INVS: variants seen among roughly 807,000 people sequenced by gnomAD.
The protein encoded by INVS is inversin, also known as inversion of embryo turning homolog.
A neutral mutation model predicts 108.8 loss-of-function variants in INVS; 86 were observed. That is an observed-to-expected ratio of 0.79 (90% CI 0.66 to 0.95). INVS has a LOEUF of 0.95. Among genes scored for constraint, INVS ranks in the 40% least tolerant of loss-of-function variants. The pLI is 0.00. For synonymous variants in INVS, 455 were observed against 473.5 expected (o/e 0.96, Z 0.51); for missense variants, 1,169 against 1,297.4 (o/e 0.90, Z 1.52).
chr9:100,287,656 C>T (rs536682795), intron 13 of INVS, among the ~76,000 whole-genome samples: 1 of 152,316 alleles, frequency 6.6e-6, no homozygotes, highest in South Asian at 2.1e-4. Context: ...CTCTCTCCTG[C>T]TACCATGTGA....
chr9:100,145,741 G>A (rs146118921), intron 3 of INVS, among the ~76,000 whole-genome samples: 113 of 152,226 alleles, frequency 7.4e-4, no homozygotes, highest in Middle Eastern at 3.4e-3. Flanking sequence ...TCAGGCAGTC[G>A]TCCCCACGTG....
intron 7 of INVS, among the ~76,000 whole-genome samples, chr9:100,246,309 C>T (rs1394190903): frequency 2.0e-5 from 3 of 152,148 alleles, no homozygotes; most frequent in Non-Finnish European, 1.5e-5. Context: ...CTCACTCAAA[C>T]GATGACCTAT....
intron 2 of INVS, among the ~76,000 whole-genome samples, chr9:100,119,053 A>G (rs1827643038): frequency 6.6e-6 from 1 of 152,226 alleles, no homozygotes; most frequent in Non-Finnish European, 1.5e-5. Context: ...GTCTATTTAC[A>G]TACTCTCAAA....
intron 10 of INVS, among the ~76,000 whole-genome samples, chr9:100,264,307 A>G (rs1360253900): frequency 6.6e-6 from 1 of 152,186 alleles, no homozygotes; most frequent in Non-Finnish European, 1.5e-5. Context: ...CTCTGGAGAT[A>G]TATGATGCCC....
chr9:100,258,338 A>G (rs1403860671), intron 10 of INVS, among the ~76,000 whole-genome samples: 1 of 152,040 alleles, frequency 6.6e-6, no homozygotes, highest in Non-Finnish European at 1.5e-5. Context: ...CTTCTTTGCA[A>G]TGGGTTCGAA....
At chr9:100,100,902 TG>T (rs1826918127) in intron 1 of INVS, among the ~76,000 whole-genome samples, 2 of 50,734 alleles carry the variant, frequency 3.9e-5, no homozygotes, top group African/African-American at 2.5e-4. Flanking sequence ...ATATTATATA[TG>T]TATATATATT....
chr9:100,233,429 G>A (rs1831576563), intron 5 of INVS, among the ~76,000 whole-genome samples: 1 of 152,150 alleles, frequency 6.6e-6, no homozygotes, highest in Admixed American at 6.5e-5. Context: ...TGGTGAGAGA[G>A]GGTATCCTTG....
chr9:100,275,902 A>G (rs1245425452), intron 12 of INVS, among the ~76,000 whole-genome samples: 2 of 152,218 alleles, frequency 1.3e-5, no homozygotes, highest in Non-Finnish European at 2.9e-5. Flanking sequence ...GAACATTACT[A>G]TAATTTACCT....
At chr9:100,257,904 A>G (rs1564179418) in intron 10 of INVS, among the ~76,000 whole-genome samples, 1 of 152,086 alleles carries the variant, frequency 6.6e-6, no homozygotes. Context: ...GCTCTTCTCG[A>G]GGAGTATCTT....
At chr9:100,289,016 C>G (rs1833533038) in intron 13 of INVS, among the ~76,000 whole-genome samples, 1 of 152,230 alleles carries the variant, frequency 6.6e-6, no homozygotes, top group African/African-American at 2.4e-5. Flanking sequence ...TCTAACCCAG[C>G]ACATCCCGGG....
At chr9:100,191,173 G>A (rs1830209341) in intron 3 of INVS, among the ~76,000 whole-genome samples, 2 of 152,038 alleles carry the variant, frequency 1.3e-5, no homozygotes, top group Non-Finnish European at 2.9e-5. Flanking sequence ...TATCCTTTTT[G>A]TAATGAATCT....
intron 3 of INVS, among the ~76,000 whole-genome samples, chr9:100,212,348 A>T (rs953078119): frequency 6.6e-6 from 1 of 152,122 alleles, no homozygotes; most frequent in African/African-American, 2.4e-5. Flanking sequence ...TCATATTTCC[A>T]ATTTATATTC....
chr9:100,267,700 TG>T (rs1162894083), intron 11 of INVS, among the ~76,000 whole-genome samples: 1 of 152,230 alleles, frequency 6.6e-6, no homozygotes, highest in East Asian at 1.9e-4. Flanking sequence ...AAATTGAATT[TG>T]GGATGAAAAA....
intron 3 of INVS, among the ~76,000 whole-genome samples, chr9:100,148,949 C>T (rs1465475704): frequency 6.6e-6 from 1 of 152,022 alleles, no homozygotes; most frequent in Non-Finnish European, 1.5e-5. Flanking sequence ...AGTAGAACTC[C>T]CATAATCTTG....
chr9:100,254,933 G>C (rs1832366947), intron 10 of INVS, among the ~76,000 whole-genome samples: 1 of 152,298 alleles, frequency 6.6e-6, no homozygotes, highest in Non-Finnish European at 1.5e-5. Context: ...CTTTAAAGTA[G>C]TTTTTTCCAA....
At chr9:100,211,683 T>A (rs1344370604) in intron 3 of INVS, among the ~76,000 whole-genome samples, 1 of 152,176 alleles carries the variant, frequency 6.6e-6, no homozygotes, top group East Asian at 1.9e-4. Flanking sequence ...CAACTAAAGA[T>A]GTTGCCTTTC....
At chr9:100,173,217 A>C (rs1321720491) in intron 3 of INVS, among the ~76,000 whole-genome samples, 1 of 152,202 alleles carries the variant, frequency 6.6e-6, no homozygotes, top group African/African-American at 2.4e-5. Flanking sequence ...ATATAAAAAC[A>C]ACTATCTGGA....
intron 3 of INVS, among the ~76,000 whole-genome samples, chr9:100,194,881 C>T (rs1388039518): frequency 2.0e-5 from 3 of 152,068 alleles, no homozygotes; most frequent in Non-Finnish European, 4.4e-5. Context: ...ACTGGAATGC[C>T]AAGGGCCAGA....
At position 100,104,644 on chromosome 9, in the gene INVS, A is replaced by ACGAT. The variant is rs751936949; in HGVS notation, c.106+17_106+18insCGAT. 6.4e-6 allele frequency: 10 copies of ACGAT among 1,556,852 alleles called. No homozygotes were observed. Among genetic ancestry groups the ACGAT allele is most frequent in the Middle Eastern group, 1.7e-4 (1 of 5,950 alleles). On this transcript the variant is annotated intron_variant, in intron 2 of 16. Transcript: ENST00000262457. Reference sequence around the variant, plus strand: ...TCATCGTAGGTAAGCAGTCCCCTTAAGTACAGAAACTTTAAAAGCAACTGT... The same window carrying ACGAT: ...TCATCGTAGGTAAGCAGTCCCCTTAACGATGTACAGAAACTTTAAAAGCAACTGT...
Sources: allele counts gnomAD v4.1 joint callset (sites outside exome capture counted in the v4.1 genomes callset), GRCh38; gene constraint gnomAD v4.1.1; transcripts MANE v1.5; gene names NCBI Gene and HGNC (gene_info 2026-07-23, HGNC 2026-07-21).